Variants in GRID2 observed in about 807,000 individuals in gnomAD.
GRID2 encodes the protein glutamate receptor ionotropic, delta-2.
GRID2 carries 33 observed loss-of-function variants against 114.8 expected under a neutral mutation model. The observed-to-expected ratio is 0.29, with a 90% CI of 0.22 to 0.38. The LOEUF (loss-of-function observed/expected upper bound fraction) is 0.38, where lower values mean the gene tolerates loss of function less well. Among genes scored for constraint, GRID2 ranks in the 10% least tolerant of loss-of-function variants. GRID2 has a pLI of 1.00. For synonymous variants in GRID2, 505 were observed against 449.9 expected (o/e 1.12, Z -1.55); for missense variants, 1,184 against 1,257.7 (o/e 0.94, Z 0.89).
intron 2 of GRID2, among the ~76,000 whole-genome samples, chr4:93,076,436 G>C (rs1729306727): frequency 6.6e-6 from 1 of 151,926 alleles, no homozygotes; most frequent in East Asian, 1.9e-4. Context: ...TTTTAAATTG[G>C]TTTTAGATTT....
At chr4:93,052,851 T>G (rs1200168291) in intron 2 of GRID2, among the ~76,000 whole-genome samples, 1 of 151,946 alleles carries the variant, frequency 6.6e-6, no homozygotes, top group East Asian at 1.9e-4. Flanking sequence ...GTTTCTATTC[T>G]GGAGTGTCCC....
intron 2 of GRID2, among the ~76,000 whole-genome samples, chr4:92,851,503 T>A (rs914318987): frequency 6.6e-6 from 1 of 151,932 alleles, no homozygotes; most frequent in Non-Finnish European, 1.5e-5. Flanking sequence ...AAACATATAA[T>A]AGCTTTGAAT....
chr4:92,965,476 A>AAAAAAAAAAAAAAAAAAC (rs1753091953), intron 2 of GRID2, among the ~76,000 whole-genome samples: 1 of 132,224 alleles, frequency 7.6e-6, no homozygotes, highest in African/African-American at 2.8e-5. Flanking sequence ...AAAAAAAAAA[A>AAAAAAAAAAAAAAAAAAC]AAAAAAAAAA....
At chr4:93,143,989 A>G (rs180702516) in intron 4 of GRID2, among the ~76,000 whole-genome samples, 3 of 152,300 alleles carry the variant, frequency 2.0e-5, no homozygotes, top group Non-Finnish European at 2.9e-5. Context: ...ATGAACAACT[A>G]AAGACAAACG....
At chr4:92,656,309 T>A (rs534380293) in intron 2 of GRID2, among the ~76,000 whole-genome samples, 2 of 151,784 alleles carry the variant, frequency 1.3e-5, no homozygotes, top group South Asian at 2.1e-4. Flanking sequence ...ACATCTCTTT[T>A]TGATGTCATT....
rs1723710780 is a variant in GRID2, at chr4:92,502,063, C to T, written c.89-88068C>T. On this transcript the variant is annotated intron_variant, in intron 1 of 15. Transcript: ENST00000282020. ...ATATGTATCTGTTTATTAAAAAATT[C>T]CTTTGGAAATTGTTGTCAAATTATG... Among the ~76,000 whole-genome samples the T allele has an allele frequency of 2.6e-5, 4 of 151,778 alleles. No individual in the cohort carries two copies. The South Asian group carries it at 8.3e-4, about 32-fold the overall frequency.
chr4:92,905,220 A>G (rs1560686474), intron 2 of GRID2, among the ~76,000 whole-genome samples: 1 of 150,334 alleles, frequency 6.7e-6, no homozygotes, highest in Non-Finnish European at 1.5e-5. Context: ...GTGCCACTCT[A>G]ATTAAAAATT....
At chr4:92,952,668 T>A (rs965452555) in intron 2 of GRID2, among the ~76,000 whole-genome samples, 5 of 152,190 alleles carry the variant, frequency 3.3e-5, no homozygotes, top group African/African-American at 1.2e-4. Flanking sequence ...TAACTCAAAG[T>A]TTAATCCAAT....
chr4:92,471,727 C>T (rs995400651), intron 1 of GRID2, among the ~76,000 whole-genome samples: 3 of 152,032 alleles, frequency 2.0e-5, no homozygotes, highest in Non-Finnish European at 4.4e-5. Context: ...TCCCCCCAAA[C>T]TCCCTTGCTT....
At chr4:92,788,721 T>A (rs756827670) in intron 2 of GRID2, among the ~76,000 whole-genome samples, 7 of 151,918 alleles carry the variant, frequency 4.6e-5, no homozygotes, top group Non-Finnish European at 8.8e-5. Flanking sequence ...TTATTGGACA[T>A]TATTATCTAT....
chr4:93,586,094 C>T (rs1737515457), intron 13 of GRID2, among the ~76,000 whole-genome samples: 1 of 152,088 alleles, frequency 6.6e-6, no homozygotes, highest in South Asian at 2.1e-4. Context: ...TATCCAAGCA[C>T]ATTTTATGCT....
intron 1 of GRID2, among the ~76,000 whole-genome samples, chr4:93,790,361 T>A (rs1734671716): frequency 6.6e-6 from 1 of 152,178 alleles, no homozygotes; most frequent in Non-Finnish European, 1.5e-5. Flanking sequence ...CTACAATGAT[T>A]ACTTAGAATC....
intron 1 of GRID2, among the ~76,000 whole-genome samples, chr4:92,350,688 C>T (rs1728021487): frequency 6.6e-6 from 1 of 151,766 alleles, no homozygotes; most frequent in Non-Finnish European, 1.5e-5. Context: ...ATATAATTTA[C>T]ATACCATGTA....
chr4:93,048,697 G>A lies in GRID2; in HGVS notation c.245-36298G>A, dbSNP rs77928309. On this transcript the variant is annotated intron_variant, in intron 2 of 15. Coordinates refer to ENST00000282020, the MANE Select transcript of GRID2 (RefSeq NM_001510.4). ...TAGGATAAAGGAGATACAAATTACA[G>A]CAAGATAGGCTAGGGAAGAGAAAGC... Among the ~76,000 whole-genome samples, 617 of 152,162 alleles carry A rather than the reference G, an allele frequency of 4.1e-3. 7 individuals are homozygous for A. Among genetic ancestry groups the A allele is most frequent in the African/African-American group, 0.014 (599 of 41,520 alleles).
At chr4:92,551,294 G>A (rs1001335980) in intron 1 of GRID2, among the ~76,000 whole-genome samples, 11 of 145,270 alleles carry the variant, frequency 7.6e-5, no homozygotes, top group Admixed American at 1.4e-4. Flanking sequence ...GTGTGTACAC[G>A]CATTTCTTAT....
intron 14 of GRID2, among the ~76,000 whole-genome samples, chr4:93,632,454 C>T (rs1205903353): frequency 6.6e-6 from 1 of 152,176 alleles, no homozygotes; most frequent in Non-Finnish European, 1.5e-5. Context: ...GTTTTCCCAG[C>T]ACCATTTATT....
chr4:93,164,372 T>A (rs1335950615), intron 4 of GRID2, among the ~76,000 whole-genome samples: 3 of 152,028 alleles, frequency 2.0e-5, no homozygotes, highest in Non-Finnish European at 4.4e-5. Context: ...AGTAGTGGCA[T>A]CAGAAAAGCA....
At chr4:93,004,392 G>A (rs1338009738) in intron 2 of GRID2, among the ~76,000 whole-genome samples, 1 of 151,864 alleles carries the variant, frequency 6.6e-6, no homozygotes, top group Non-Finnish European at 1.5e-5. Flanking sequence ...AGCACCATCA[G>A]CCTAGCTATA....
chr4:92,562,825 C>A (rs578196552), intron 1 of GRID2, among the ~76,000 whole-genome samples: 1 of 152,218 alleles, frequency 6.6e-6, no homozygotes, highest in Non-Finnish European at 1.5e-5. Flanking sequence ...AATATGTAAT[C>A]GTTTTACATA....
Sources: allele counts gnomAD v4.1 joint callset (sites outside exome capture counted in the v4.1 genomes callset), GRCh38; gene constraint gnomAD v4.1.1; transcripts MANE v1.5; gene names NCBI Gene and HGNC (gene_info 2026-07-23, HGNC 2026-07-21).